The following TFDP2 variants were observed in gnomAD, a reference collection of about 807,000 sequenced individuals.
TFDP2 encodes the protein transcription factor Dp-2, also known as transcription factor Dp-2 (E2F dimerization partner 2).
A neutral mutation model predicts 59.3 loss-of-function variants in TFDP2; 17 were observed. The ratio of observed to expected loss-of-function variants is 0.29; its 90% CI spans 0.20 to 0.43. The LOEUF (loss-of-function observed/expected upper bound fraction) is 0.43, where lower values mean the gene tolerates loss of function less well. Ranked by LOEUF, TFDP2 falls within the 20% of genes least tolerant of loss-of-function variation. The pLI is 1.00. For missense variants in TFDP2, 391 were observed against 528.8 expected, an observed-to-expected ratio of 0.74 and a Z score of 2.56; for synonymous variants, 180 against 194.7, an observed-to-expected ratio of 0.92 and a Z score of 0.63.
chr3:142,142,014 A>C (rs1252536786), intron 1 of TFDP2, among the ~76,000 whole-genome samples: 2 of 152,146 alleles, frequency 1.3e-5, no homozygotes, highest in Admixed American at 1.3e-4. Flanking sequence ...AAAAACTAGA[A>C]AGCCTTTCCT....
At chr3:142,091,748 C>T (rs2061002816) in intron 3 of TFDP2, among the ~76,000 whole-genome samples, 2 of 152,034 alleles carry the variant, frequency 1.3e-5, no homozygotes, top group Non-Finnish European at 2.9e-5. Context: ...ACTGTTCCAC[C>T]TCAGATAATC....
chr3:142,045,228 C>T (rs536819171), intron 3 of TFDP2, among the ~76,000 whole-genome samples: 28 of 149,476 alleles, frequency 1.9e-4, no homozygotes, highest in Non-Finnish European at 2.7e-4. Context: ...ATCACGATCT[C>T]GGCCCATTGC....
At chr3:141,959,261 G>A (rs1161346488) in intron 11 of TFDP2, among the ~76,000 whole-genome samples, 2 of 152,028 alleles carry the variant, frequency 1.3e-5, no homozygotes, top group Non-Finnish European at 2.9e-5. Context: ...CGGCCAGGAT[G>A]TACCTACTTT....
At chr3:142,106,756 C>G (rs6773343) in intron 1 of TFDP2, among the ~76,000 whole-genome samples, 1 of 152,034 alleles carries the variant, frequency 6.6e-6, no homozygotes, top group Admixed American at 6.6e-5. Context: ...CTTTTGACCT[C>G]GCCATCTGCC....
intron 1 of TFDP2, among the ~76,000 whole-genome samples, chr3:142,120,129 G>A (rs962703951): frequency 6.7e-6 from 1 of 150,314 alleles, no homozygotes; most frequent in Non-Finnish European, 1.5e-5. Flanking sequence ...TTGGGAGGCC[G>A]AGACGGGCAG....
intron 7 of TFDP2, among the ~76,000 whole-genome samples, chr3:141,975,974 G>A (rs1940581203): frequency 6.6e-6 from 1 of 151,958 alleles, no homozygotes; most frequent in Admixed American, 6.6e-5. Context: ...TCCACCTTCT[G>A]GGTTCCAGTG....
At chr3:141,969,249 C>T (rs1363879668) in intron 9 of TFDP2, among the ~76,000 whole-genome samples, 7 of 95,546 alleles carry the variant, frequency 7.3e-5, no homozygotes, top group South Asian at 3.0e-4. Context: ...ATATATATAA[C>T]ATATATATAT....
intron 5 of TFDP2, chr3:141,994,377 C>T (rs1450814223): frequency 6.6e-6 from 1 of 152,064 alleles, no homozygotes; most frequent in Non-Finnish European, 1.5e-5. Context: ...AACAAAACGT[C>T]TAAGGTAACA....
chr3:142,055,792 T>C (rs982701290), intron 3 of TFDP2, among the ~76,000 whole-genome samples: 1 of 152,158 alleles, frequency 6.6e-6, no homozygotes, highest in Non-Finnish European at 1.5e-5. Context: ...CACAAGTTCT[T>C]GAATCTTGGA....
chr3:141,980,175 G>A (rs1307080529), intron 6 of TFDP2, among the ~76,000 whole-genome samples: 5 of 150,900 alleles, frequency 3.3e-5, no homozygotes, highest in African/African-American at 4.9e-5. Context: ...CAAAGTGTTG[G>A]GTTATAAGTG....
chr3:141,976,174 C>T (rs571974000), intron 7 of TFDP2, among the ~76,000 whole-genome samples: 16 of 152,282 alleles, frequency 1.1e-4, no homozygotes, highest in East Asian at 3.9e-4. Flanking sequence ...CCACTGCACC[C>T]GGCCTATAGT....
intron 11 of TFDP2, among the ~76,000 whole-genome samples, chr3:141,955,685 T>A (rs1389466219): frequency 1.3e-5 from 2 of 152,232 alleles, no homozygotes; most frequent in African/African-American, 4.8e-5. Flanking sequence ...TTTGCTTACA[T>A]TGGATTTAAT....
intron 1 of TFDP2, among the ~76,000 whole-genome samples, chr3:142,138,669 T>C (rs1394556581): frequency 6.6e-6 from 1 of 152,160 alleles, no homozygotes; most frequent in Non-Finnish European, 1.5e-5. Flanking sequence ...TTCCACGTAA[T>C]TGTGAGGTTT....
intron 5 of TFDP2, 90 bp downstream of exon 5, chr3:141,994,930 A>C: frequency 8.3e-7 from 1 of 1,202,862 alleles, no homozygotes. Flanking sequence ...TAAGAACTAA[A>C]CTAAAACAAG....
intron 7 of TFDP2, 103 bp from the exon 8 acceptor site, chr3:141,974,294 G>A: frequency 9.6e-7 from 1 of 1,037,750 alleles, no homozygotes; most frequent in Non-Finnish European, 1.3e-6. Flanking sequence ...AGTGCTGGAA[G>A]GATTCTATTT....
chr3:142,110,725 G>A (rs1403375734), intron 1 of TFDP2, among the ~76,000 whole-genome samples: 8 of 152,048 alleles, frequency 5.3e-5, no homozygotes, highest in Admixed American at 3.9e-4. Context: ...GCCCTGGTAG[G>A]CAGACTGCTT....
Position 141,995,127 on chromosome 3 carries a change from T to G in TFDP2, c.201A>C (p.Pro67=). The part of the protein sequence containing the change: ...NVGPQMIIST[P]QRLTSSGSVL... ...CACTTCCTGAACTGGTTAGTCTCTG[T>G]GGTGTGCTTATAATCTGTAAAGTTA... The change falls in exon 5 of 13, where the codon CCA becomes CCC. Residue 67 remains proline, a synonymous_variant. Transcript: ENST00000489671. The G allele has an allele frequency of 1.3e-6, 2 of 1,599,758 alleles. No homozygotes were observed. Among genetic ancestry groups the G allele is most frequent in the South Asian group, 2.3e-5 (2 of 87,308 alleles).
chr3:141,983,424 G>A (rs1941701494), intron 6 of TFDP2, among the ~76,000 whole-genome samples: 1 of 152,044 alleles, frequency 6.6e-6, no homozygotes, highest in African/African-American at 2.4e-5. Context: ...ATCACTTGAG[G>A]TCAGGAGTTA....
At chr3:142,076,143 A>C (rs1215822944) in intron 3 of TFDP2, among the ~76,000 whole-genome samples, 1 of 150,998 alleles carries the variant, frequency 6.6e-6, no homozygotes, top group Non-Finnish European at 1.5e-5. Context: ...CCCAGGAGGC[A>C]GAGGTTGCAG....
Sources: allele counts gnomAD v4.1 joint callset (sites outside exome capture counted in the v4.1 genomes callset), GRCh38; gene constraint gnomAD v4.1.1; transcripts MANE v1.5; gene names NCBI Gene and HGNC (gene_info 2026-07-23, HGNC 2026-07-21).